SAMD4A: variants seen among roughly 807,000 people sequenced by gnomAD.
SAMD4A encodes the protein sterile alpha motif domain containing 4A.
SAMD4A carries 33 observed loss-of-function variants against 81.3 expected under a neutral mutation model. The observed-to-expected ratio is 0.41, with a 90% confidence interval of 0.31 to 0.54. SAMD4A has a LOEUF of 0.54. Among genes scored for constraint, SAMD4A ranks in the 20% least tolerant of loss-of-function variants. The probability of loss-of-function intolerance (pLI) is 0.37; values close to 1 mark genes in which losing one functional copy is unlikely to be tolerated. For missense variants in SAMD4A, 854 were observed against 951.1 expected, an observed-to-expected ratio of 0.90 and a Z score of 1.34; for synonymous variants, 389 against 382.1, an observed-to-expected ratio of 1.02 and a Z score of -0.21.
Position 54,679,049 on chromosome 14 carries a change from C to T in SAMD4A, c.197-23013C>T, listed in dbSNP as rs76675852. On this transcript the variant is annotated intron_variant, in intron 2 of 12. Transcript: ENST00000554335. ...AAACAAGGAAGACAGACAGTTTGAACACTTATGTTTTATTGACTCGGATTT... is the reference window on the plus strand; with the variant it reads ...AAACAAGGAAGACAGACAGTTTGAATACTTATGTTTTATTGACTCGGATTT... Among the ~76,000 whole-genome samples, 443 of 152,300 alleles carry T rather than the reference C, an allele frequency of 2.9e-3. 6 individuals carry two copies. In the East Asian group the frequency reaches 0.045, roughly 16 times the overall value.
intron 2 of SAMD4A, among the ~76,000 whole-genome samples, chr14:54,654,095 AT>A (rs1220525658): frequency 6.6e-6 from 1 of 152,218 alleles, no homozygotes; most frequent in Non-Finnish European, 1.5e-5. Context: ...CTCAGGAATT[AT>A]GTTTTGCTCC....
chr14:54,725,864 G>A (rs1056291278), intron 3 of SAMD4A, among the ~76,000 whole-genome samples: 3 of 152,198 alleles, frequency 2.0e-5, no homozygotes, highest in African/African-American at 4.8e-5. Flanking sequence ...TCAGCAGTCC[G>A]TTTTTGTTTT....
At chr14:54,616,672 T>A (rs2034499838) in intron 2 of SAMD4A, among the ~76,000 whole-genome samples, 1 of 152,266 alleles carries the variant, frequency 6.6e-6, no homozygotes, top group South Asian at 2.1e-4. Flanking sequence ...ACCCAATAGT[T>A]GTGAATTCCT....
At chr14:54,607,611 A>G (rs1415987382) in intron 2 of SAMD4A, among the ~76,000 whole-genome samples, 2 of 151,468 alleles carry the variant, frequency 1.3e-5, no homozygotes, top group Non-Finnish European at 2.9e-5. Context: ...GCCCGCCACC[A>G]TGCCCGGCTA....
At chr14:54,568,666 A>G (rs895713906) in intron 2 of SAMD4A, among the ~76,000 whole-genome samples, 2 of 136,780 alleles carry the variant, frequency 1.5e-5, no homozygotes, top group African/African-American at 5.4e-5. Context: ...GTGACGCTAG[A>G]GACTAGTAAA....
chr14:54,571,191 T>G (rs952357879), intron 2 of SAMD4A, among the ~76,000 whole-genome samples: 2 of 152,246 alleles, frequency 1.3e-5, no homozygotes, highest in African/African-American at 4.8e-5. Flanking sequence ...AATCTAGTGA[T>G]TCACTGGTTC....
intron 11 of SAMD4A, 117 bp downstream of exon 11, chr14:54,776,657 A>T: frequency 8.2e-7 from 1 of 1,225,962 alleles, no homozygotes; most frequent in Non-Finnish European, 1.1e-6. Context: ...TTTGGAGCTT[A>T]TAGAAGCCTT....
chr14:54,737,320 G>C, intron 4 of SAMD4A, 33 bp downstream of exon 4: 1 of 1,611,374 alleles, frequency 6.2e-7, no homozygotes, highest in Non-Finnish European at 8.5e-7. Flanking sequence ...ACTGGGGAAA[G>C]AGCCCCTCCC....
intron 11 of SAMD4A, 137 bp from the exon 12 acceptor site, chr14:54,784,400 G>T (rs774294780): frequency 1.3e-6 from 2 of 1,588,778 alleles, no homozygotes; most frequent in Non-Finnish European, 1.7e-6. Context: ...AGCCTGAGTG[G>T]AGCCCCTTCC....
At chr14:54,639,626 T>C (rs1040582927) in intron 2 of SAMD4A, among the ~76,000 whole-genome samples, 5 of 152,210 alleles carry the variant, frequency 3.3e-5, no homozygotes, top group African/African-American at 1.2e-4. Flanking sequence ...AGCACTTTTA[T>C]GTGGAGTCTT....
chr14:54,771,309 A>C (rs960691813), intron 9 of SAMD4A, among the ~76,000 whole-genome samples: 2 of 152,248 alleles, frequency 1.3e-5, no homozygotes, highest in East Asian at 3.8e-4. Context: ...TTTAATCCTC[A>C]TGACAACCAT....
chr14:54,578,748 TTCCAG>T (rs1282177628), intron 2 of SAMD4A, among the ~76,000 whole-genome samples: 1 of 152,126 alleles, frequency 6.6e-6, no homozygotes, highest in African/African-American at 2.4e-5. Flanking sequence ...TCTTCTTGAT[TTCCAG>T]TGTATTCCTC....
At chr14:54,655,682 G>A (rs1218870693) in intron 2 of SAMD4A, among the ~76,000 whole-genome samples, 1 of 152,184 alleles carries the variant, frequency 6.6e-6, no homozygotes, top group Admixed American at 6.5e-5. Context: ...AGGTTGTGAT[G>A]AGCCAAGATC....
rs200173864 is a variant in SAMD4A at position 54,582,246 on chromosome 14, G to GTT, written c.196+14143_196+14144dup. Among the ~76,000 whole-genome samples, 5 of 149,138 alleles carry GTT rather than the reference G, an allele frequency of 3.4e-5. No individual in the cohort carries two copies. The South Asian group carries it at 8.5e-4, about 25-fold the overall frequency. ...AATTTGGACAAGAATTGCTGCTGCT[G>GTT]TTTTTTTTTTAATTTTATTTTTTAT... On this transcript the variant is annotated intron_variant, in intron 2 of 12. Coordinates refer to ENST00000554335, the MANE Select transcript of SAMD4A (RefSeq NM_015589.6).
intron 2 of SAMD4A, among the ~76,000 whole-genome samples, chr14:54,688,931 CTT>C (rs71127666): frequency 6.0e-4 from 70 of 116,044 alleles, no homozygotes; most frequent in East Asian, 1.1e-3. Flanking sequence ...AGTCGTAATT[CTT>C]TTTTTTTTTT....
intron 2 of SAMD4A, among the ~76,000 whole-genome samples, chr14:54,664,483 C>T (rs536648566): frequency 1.3e-5 from 2 of 152,240 alleles, no homozygotes; most frequent in East Asian, 1.9e-4. Flanking sequence ...CACACATCGC[C>T]CTTGACATGC....
intron 11 of SAMD4A, chr14:54,784,228 G>T (rs970823961): frequency 1.3e-6 from 1 of 784,230 alleles, no homozygotes; most frequent in Non-Finnish European, 2.2e-6. Context: ...GGCCTTATGG[G>T]CCAGGGCAGG....
intron 4 of SAMD4A, among the ~76,000 whole-genome samples, chr14:54,739,458 TCTTCCAAGAACTTC>T (rs1404568466): frequency 6.6e-6 from 1 of 151,884 alleles, no homozygotes; most frequent in Non-Finnish European, 1.5e-5. Context: ...GAACTTCCCT[TCTTCCAAGAACTTC>T]CTTGGATTGG....
At chr14:54,700,614 A>C (rs1016136887) in intron 2 of SAMD4A, among the ~76,000 whole-genome samples, 1 of 152,212 alleles carries the variant, frequency 6.6e-6, no homozygotes, top group African/African-American at 2.4e-5. Flanking sequence ...AGGACTGTCC[A>C]GCCCTAGCCC....
Sources: gnomAD v4.1 joint callset for allele counts (sites outside exome capture counted in the v4.1 genomes callset) on GRCh38, gnomAD v4.1.1 for gene constraint, MANE v1.5 for transcripts, NCBI Gene and HGNC (gene_info 2026-07-23, HGNC 2026-07-21) for gene names.